Variants in SYNE1 observed in about 807,000 individuals in gnomAD.
The protein encoded by SYNE1 is nesprin-1.
A neutral mutation model predicts 1,111.0 loss-of-function variants in SYNE1; 616 were observed. The ratio of observed to expected loss-of-function variants is 0.55; its 90% CI spans 0.52 to 0.59. The LOEUF is 0.59. SYNE1 is among the 20% of genes least tolerant of loss of function. The pLI is 0.00. For missense variants in SYNE1, 10,006 were observed against 10,417.0 expected (o/e 0.96, Z 1.72); for synonymous variants, 3,855 against 3,825.8 (o/e 1.01, Z -0.28).
chr6:152,606,740 C>T (rs1335657029), intron 3 of SYNE1, among the ~76,000 whole-genome samples: 8 of 152,054 alleles, frequency 5.3e-5, no homozygotes, highest in East Asian at 1.9e-4. Flanking sequence ...CTCCGCCTCC[C>T]GGGTTCACGC....
intron 137 of SYNE1, 82 bp downstream of exon 137, chr6:152,147,963 G>A (rs965466146): frequency 8.4e-6 from 10 of 1,184,664 alleles, no homozygotes; most frequent in South Asian, 1.2e-5. Flanking sequence ...AAATGATTCT[G>A]GATAGCTGTC....
At chr6:152,436,220 G>T in intron 32 of SYNE1, 119 bp from the exon 33 acceptor site, 1 of 1,024,502 alleles carries the variant, frequency 9.8e-7, no homozygotes, top group Non-Finnish European at 1.4e-6. Context: ...AGTCATACAT[G>T]TATGGATCTT....
intron 33 of SYNE1, 163 bp downstream of exon 33, chr6:152,435,778 T>A: frequency 1.2e-6 from 1 of 843,902 alleles, no homozygotes; most frequent in South Asian, 1.7e-5. Flanking sequence ...TTGGTTTCTG[T>A]ATTAGCGATA....
chr6:152,333,304 C>T (rs2096291607), intron 77 of SYNE1, among the ~76,000 whole-genome samples: 1 of 151,992 alleles, frequency 6.6e-6, no homozygotes, highest in Admixed American at 6.6e-5. Flanking sequence ...AAGAAAAAAA[C>T]CTGACTGAAT....
intron 98 of SYNE1, among the ~76,000 whole-genome samples, chr6:152,274,520 G>C (rs2153695310): frequency 6.6e-6 from 1 of 151,920 alleles, no homozygotes. Context: ...TTACTTTTTT[G>C]GGGGTGGGGA....
chr6:152,291,549 C>G (rs2094606797), intron 95 of SYNE1, among the ~76,000 whole-genome samples: 1 of 152,204 alleles, frequency 6.6e-6, no homozygotes, highest in Non-Finnish European at 1.5e-5. Flanking sequence ...GCTCCACATT[C>G]AGTTTATGTG....
chr6:152,176,018 T>A (rs1382706616), intron 130 of SYNE1, among the ~76,000 whole-genome samples: 1 of 114,358 alleles, frequency 8.7e-6, no homozygotes, highest in Non-Finnish European at 1.7e-5. Flanking sequence ...TTAGTAATTT[T>A]TTTTTTTTTT....
At chr6:152,195,391 T>C (rs2073835289) in intron 127 of SYNE1, among the ~76,000 whole-genome samples, 1 of 152,202 alleles carries the variant, frequency 6.6e-6, no homozygotes. Flanking sequence ...AATTAGGTAT[T>C]TATTGTAGTT....
chr6:152,442,325 CAGA>C (rs1240639923), intron 30 of SYNE1, 80 bp from the exon 31 acceptor site: 1 of 1,553,796 alleles, frequency 6.4e-7, no homozygotes, highest in African/African-American at 1.4e-5. Flanking sequence ...CCACGCTTAA[CAGA>C]AGTACAGAAA....
rs182261698 is a variant in SYNE1, at chr6:152,132,840, T to C, written c.26001+436A>G. Among the ~76,000 whole-genome samples the C allele has an allele frequency of 6.9e-3, 1,049 of 151,140 alleles. 7 individuals carry two copies. The highest frequency in any genetic ancestry group is 9.9e-3 in the Non-Finnish European group (670 of 67,894). On this transcript the variant is annotated intron_variant, in intron 143 of 145. Transcript: ENST00000367255. ...GGAGTTGATTGTAGAAAAAAAAATA[T>C]AAAAAATTAAATGAGCAGAGGACTG...
intron 84 of SYNE1, 57 bp downstream of exon 84, chr6:152,321,181 A>C: frequency 6.3e-7 from 1 of 1,598,852 alleles, no homozygotes. Flanking sequence ...CTCTCACACA[A>C]GAGGACTGAC....
intron 95 of SYNE1, among the ~76,000 whole-genome samples, chr6:152,290,542 T>C (rs944835094): frequency 6.6e-6 from 1 of 152,036 alleles, no homozygotes; most frequent in Non-Finnish European, 1.5e-5. Context: ...GGCAACAGAC[T>C]GAGACTCTGT....
chr6:152,351,735 A>T (rs756348107), intron 70 of SYNE1, among the ~76,000 whole-genome samples: 16 of 152,334 alleles, frequency 1.1e-4, no homozygotes, highest in Non-Finnish European at 1.9e-4. Flanking sequence ...GGATCCAAAT[A>T]CCTGGCTCAC....
In SYNE1 at chr6:152,325,998, G is replaced by A. The variant is rs771550432; in HGVS notation, c.15398C>T (p.Ser5133Leu). Residue 5133 changes from serine to leucine, a missense_variant, in exon 80 of 146, where the codon TCG becomes TTG. Around this residue, in one of 7 missense-constraint regions of SYNE1, gnomAD observed 4,955 missense variants for 5,017.2 expected, o/e 0.99. Transcript: ENST00000367255. ...TTTTTCTTCCGCTTCATGACTAGAC[G>A]AAGTCTTCAACAAAGAAAACTCAGA... ...KLSEFSLLKT[S>L]SSHEAEEKLS... The A allele has an allele frequency of 1.5e-5, 24 of 1,613,966 alleles. No homozygotes were observed. In the Admixed American group the frequency reaches 2.2e-4, roughly 15 times the overall value.
At chr6:152,450,333 G>T (rs565685633) in intron 27 of SYNE1, among the ~76,000 whole-genome samples, 2 of 152,050 alleles carry the variant, frequency 1.3e-5, no homozygotes, top group African/African-American at 2.4e-5. Context: ...TATAAATTAC[G>T]CAGTCTCAGG....
chr6:152,135,653 A>G (rs1270263734), intron 141 of SYNE1, among the ~76,000 whole-genome samples: 1 of 152,158 alleles, frequency 6.6e-6, no homozygotes, highest in Non-Finnish European at 1.5e-5. Flanking sequence ...TTTATTCAAC[A>G]TACAGTTACT....
chr6:152,354,013 G>A (rs979471305), intron 67 of SYNE1, among the ~76,000 whole-genome samples: 20 of 152,238 alleles, frequency 1.3e-4, no homozygotes, highest in African/African-American at 4.6e-4. Flanking sequence ...GGTGGCTCAC[G>A]CCTGTAGTCC....
intron 46 of SYNE1, chr6:152,402,684 C>T (rs2097840520): frequency 6.6e-6 from 1 of 152,178 alleles, no homozygotes; most frequent in South Asian, 2.1e-4. Flanking sequence ...TAAGCCACCC[C>T]CTCACCTCTT....
chr6:152,392,455 G>A (rs567198766), intron 51 of SYNE1, among the ~76,000 whole-genome samples: 1 of 152,166 alleles, frequency 6.6e-6, no homozygotes, highest in Admixed American at 6.5e-5. Context: ...CATTTACCAG[G>A]AAAAAGCCCA....
Sources: gnomAD v4.1 joint callset for allele counts (sites outside exome capture counted in the v4.1 genomes callset) on GRCh38, gnomAD v4.1.1 for gene constraint, gnomAD v4.1.1 regional missense constraint, MANE v1.5 for transcripts, NCBI Gene and HGNC (gene_info 2026-07-23, HGNC 2026-07-21) for gene names.